DAB2IP: variants seen among roughly 807,000 people sequenced by gnomAD.
DAB2IP encodes disabled homolog 2-interacting protein.
In DAB2IP, 28 loss-of-function variants were observed where a neutral mutation model predicts 107.2. That is an observed-to-expected ratio of 0.26 (90% CI 0.19 to 0.36). The LOEUF (loss-of-function observed/expected upper bound fraction) is 0.36, where lower values mean the gene tolerates loss of function less well. Ranked by LOEUF, DAB2IP falls within the 10% of genes least tolerant of loss-of-function variation. The pLI is 1.00. For missense variants in DAB2IP, 1,400 were observed against 1,644.7 expected, an observed-to-expected ratio of 0.85 and a Z score of 2.57; for synonymous variants, 755 against 706.4, an observed-to-expected ratio of 1.07 and a Z score of -1.09.
At chr9:121,778,233 A>G (rs1564233663) in intron 14 of DAB2IP, among the ~76,000 whole-genome samples, 1 of 152,112 alleles carries the variant, frequency 6.6e-6, no homozygotes. Context: ...CACTAATTCC[A>G]TTTTTGAAGG....
At chr9:121,670,057 C>T (rs1486100568) in intron 1 of DAB2IP, among the ~76,000 whole-genome samples, 4 of 152,202 alleles carry the variant, frequency 2.6e-5, no homozygotes, top group African/African-American at 4.8e-5. Flanking sequence ...CCCCCTTTAA[C>T]ATCACATCCA....
At chr9:121,681,534 A>C (rs1828604009) in intron 2 of DAB2IP, among the ~76,000 whole-genome samples, 1 of 152,082 alleles carries the variant, frequency 6.6e-6, no homozygotes, top group Non-Finnish European at 1.5e-5. Context: ...AGCGTGTTCA[A>C]GGTGGTCGTT....
chr9:121,723,465 C>T (rs1029987789), intron 3 of DAB2IP, among the ~76,000 whole-genome samples: 1 of 152,210 alleles, frequency 6.6e-6, no homozygotes, highest in African/African-American at 2.4e-5. Flanking sequence ...CTCAGGTTCT[C>T]CCTGCTGCTC....
At position 121,782,860 on chromosome 9, in the gene DAB2IP, C is replaced by T; in HGVS notation, c.*362C>T. ...GTGCATGTGTCCCCCCACACCTGTG[C>T]CAGGGAGGGGGCTTCCTGGAGGGGG... On this transcript the variant is annotated 3_prime_UTR_variant, in exon 16 of 16. Transcript: ENST00000408936. This position sits in a 1 kb window ranked among gnomAD's most constrained non-coding sequence, Gnocchi z 6.1. The T allele has an allele frequency of 9.5e-7, 1 of 1,057,392 alleles. No individual in the cohort carries two copies. Among genetic ancestry groups the T allele is most frequent in the Non-Finnish European group, 1.1e-6 (1 of 875,714 alleles). The allele number at this position is 1,057,392 out of a possible 1,614,324, so 65.5% of individuals were successfully genotyped here.
At chr9:121,750,442 G>A (rs1025934939) in intron 3 of DAB2IP, among the ~76,000 whole-genome samples, 9 of 152,098 alleles carry the variant, frequency 5.9e-5, no homozygotes, top group African/African-American at 1.9e-4. Flanking sequence ...GGGGCCCCCC[G>A]GCTCCTGCTT....
At chr9:121,769,961 G>A (rs1480415573) in intron 10 of DAB2IP, among the ~76,000 whole-genome samples, 1 of 152,226 alleles carries the variant, frequency 6.6e-6, no homozygotes, top group Non-Finnish European at 1.5e-5. Flanking sequence ...GTGGAAGCTT[G>A]TGCATAAACA....
chr9:121,622,368 A>G (rs2789875), intron 1 of DAB2IP, among the ~76,000 whole-genome samples: 120,159 of 152,154 alleles, frequency 0.79, 50,233 homozygotes, highest in East Asian at 1. Context: ...TGGGGTCTAC[A>G]AGAGGGGGAT....
chr9:121,770,672 A>T (rs1236105405), exon 11 of DAB2IP: 1 of 1,614,010 alleles, frequency 6.2e-7, no homozygotes, highest in African/African-American at 1.3e-5. Context: ...CTCTGGCAGC[A>T]GCAGCATCTC....
intron 3 of DAB2IP, among the ~76,000 whole-genome samples, chr9:121,738,336 G>GTC (rs141686810): frequency 4.6e-4 from 70 of 151,970 alleles, no homozygotes; most frequent in African/African-American, 1.3e-3. Context: ...ATCCATGTCT[G>GTC]TCTCTCTCTC....
At chr9:121,626,734 C>A (rs1293913240) in intron 1 of DAB2IP, among the ~76,000 whole-genome samples, 4 of 152,082 alleles carry the variant, frequency 2.6e-5, no homozygotes, top group Non-Finnish European at 4.4e-5. Flanking sequence ...AGAAGAGAAA[C>A]CTTGACAGCA....
intron 3 of DAB2IP, among the ~76,000 whole-genome samples, chr9:121,754,366 A>G (rs1439264105): frequency 1.3e-5 from 2 of 152,038 alleles, no homozygotes; most frequent in Admixed American, 1.3e-4. Flanking sequence ...TCCACCACCC[A>G]CCCGCTTGCT....
upstream of DAB2IP, among the ~76,000 whole-genome samples, chr9:121,647,736 C>A (rs1832585759): frequency 6.6e-6 from 1 of 151,600 alleles, no homozygotes; most frequent in Non-Finnish European, 1.5e-5. Flanking sequence ...CTTCAATTTG[C>A]AATTGCAAAA....
chr9:121,726,692 A>G (rs547091019), intron 3 of DAB2IP, among the ~76,000 whole-genome samples: 1 of 151,986 alleles, frequency 6.6e-6, no homozygotes, highest in Admixed American at 6.6e-5. Context: ...TGTGGGGACA[A>G]CCCCTCCCGC....
intron 3 of DAB2IP, among the ~76,000 whole-genome samples, chr9:121,727,509 C>A (rs895085235): frequency 1.3e-5 from 2 of 152,174 alleles, no homozygotes; most frequent in Admixed American, 6.5e-5. Context: ...TGCCAAGGCT[C>A]CCTTAGGATT....
At chr9:121,613,000 AT>A (rs1368504206) in intron 1 of DAB2IP, among the ~76,000 whole-genome samples, 2 of 152,162 alleles carry the variant, frequency 1.3e-5, no homozygotes, top group South Asian at 2.1e-4. Context: ...CAGTTTCCCC[AT>A]TTGTCCTGGC....
chr9:121,768,564 C>T, exon 10 of DAB2IP: 3 of 1,614,230 alleles, frequency 1.9e-6, no homozygotes, highest in Non-Finnish European at 2.5e-6. Flanking sequence ...TCGAGGGCTA[C>T]ATCGACCTGG....
intron 3 of DAB2IP, among the ~76,000 whole-genome samples, chr9:121,726,977 G>A (rs972473142): frequency 1.3e-5 from 2 of 152,224 alleles, no homozygotes; most frequent in Non-Finnish European, 2.9e-5. Context: ...ATGCTGGTGG[G>A]CTGGGGATGG....
chr9:121,574,505 G>C (rs962521759), intron 1 of DAB2IP, among the ~76,000 whole-genome samples: 1 of 152,126 alleles, frequency 6.6e-6, no homozygotes, highest in African/African-American at 2.4e-5. Context: ...TTAGGCCAAG[G>C]ATGCAGAGCT....
chr9:121,613,923 A>T (rs1420232920), intron 1 of DAB2IP, among the ~76,000 whole-genome samples: 2 of 152,170 alleles, frequency 1.3e-5, no homozygotes, highest in East Asian at 3.8e-4. Context: ...CCGCAGCTTG[A>T]TAGTGTTGAT....
Sources: gnomAD v4.1 joint callset for allele counts (sites outside exome capture counted in the v4.1 genomes callset) on GRCh38, gnomAD v4.1.1 for gene constraint, Gnocchi (gnomAD v3.1) non-coding constraint, MANE v1.5 for transcripts, NCBI Gene and HGNC (gene_info 2026-07-23, HGNC 2026-07-21) for gene names.